The following GRIN2B variants were observed in gnomAD, a reference collection of about 807,000 sequenced individuals.
GRIN2B encodes the protein glutamate ionotropic receptor NMDA type subunit 2B, also known as glutamate receptor ionotropic, NMDA 2B.
GRIN2B carries 5 observed loss-of-function variants against 114.5 expected under a neutral mutation model. That is an observed-to-expected ratio of 0.04 (90% CI 0.02 to 0.09). The LOEUF is 0.09. Ranked by LOEUF, GRIN2B falls within the 10% of genes least tolerant of loss-of-function variation. The probability of loss-of-function intolerance (pLI) is 1.00; values close to 1 mark genes in which losing one functional copy is unlikely to be tolerated. For missense variants in GRIN2B, 1,108 were observed against 1,943.5 expected (o/e 0.57, Z 8.08); for synonymous variants, 787 against 745.1 (o/e 1.06, Z -0.92).
At chr12:13,885,470 C>T (rs1866139677) in intron 2 of GRIN2B, among the ~76,000 whole-genome samples, 1 of 152,122 alleles carries the variant, frequency 6.6e-6, no homozygotes, top group African/African-American at 2.4e-5. Flanking sequence ...CCTTTTCTCC[C>T]CGTTAATGTG....
At position 13,547,399 on chromosome 12, in the gene GRIN2B, A is replaced by C. The variant is rs1314674742; in HGVS notation, c.*15384T>G. On this transcript the variant is annotated 3_prime_UTR_variant, in exon 14 of 14. Transcript: ENST00000609686. ...CACCCAGAAGAGGAAAGGGGTGATC[A>C]TGTGTCTCAAAGAAGAGATAACTTT... The C allele has an allele frequency of 6.6e-6, 1 of 152,202 alleles. No homozygotes were observed. The highest frequency in any genetic ancestry group is 6.5e-5 in the Admixed American group (1 of 15,278). 9.4% of individuals were successfully genotyped at this position (152,202 alleles called of 1,614,324 possible).
At chr12:13,635,240 C>T (rs1949657121) in intron 5 of GRIN2B, among the ~76,000 whole-genome samples, 1 of 152,130 alleles carries the variant, frequency 6.6e-6, no homozygotes. Flanking sequence ...TGGGAGGAAA[C>T]CTCTTCACAC....
At chr12:13,889,390 T>C (rs1182481565) in intron 2 of GRIN2B, among the ~76,000 whole-genome samples, 1 of 152,208 alleles carries the variant, frequency 6.6e-6, no homozygotes. Context: ...AGATAGGACA[T>C]ATAAAATGCT....
At chr12:13,649,777 T>A (rs554314246) in intron 5 of GRIN2B, among the ~76,000 whole-genome samples, 7 of 152,108 alleles carry the variant, frequency 4.6e-5, no homozygotes, top group African/African-American at 7.2e-5. Flanking sequence ...CTAAGTGGTA[T>A]GACCTTGCAC....
intron 2 of GRIN2B, among the ~76,000 whole-genome samples, chr12:13,970,593 TCA>T (rs773797480): frequency 4.0e-5 from 6 of 151,868 alleles, no homozygotes; most frequent in Non-Finnish European, 8.8e-5. Context: ...AATCTTGTCC[TCA>T]CAGGAAAATA....
intron 3 of GRIN2B, among the ~76,000 whole-genome samples, chr12:13,778,187 G>A (rs1864041078): frequency 6.6e-6 from 1 of 151,984 alleles, no homozygotes; most frequent in African/African-American, 2.4e-5. Context: ...TAAATATATG[G>A]TTTTCTTATT....
At chr12:13,881,018 G>A (rs1565573541) in intron 2 of GRIN2B, among the ~76,000 whole-genome samples, 1 of 152,130 alleles carries the variant, frequency 6.6e-6, no homozygotes, top group African/African-American at 2.4e-5. Context: ...GTGTGTGCGC[G>A]TGCGCGCACG....
intron 2 of GRIN2B, among the ~76,000 whole-genome samples, chr12:13,969,670 A>G (rs921235076): frequency 1.3e-5 from 2 of 152,242 alleles, no homozygotes; most frequent in Non-Finnish European, 1.5e-5. Context: ...TTCTGATTAC[A>G]TAATTCCAGG....
intron 3 of GRIN2B, among the ~76,000 whole-genome samples, chr12:13,838,606 C>T (rs1865322928): frequency 6.6e-6 from 1 of 152,176 alleles, no homozygotes; most frequent in South Asian, 2.1e-4. Flanking sequence ...ACCACCCCCC[C>T]ATCTTATCTA....
intron 2 of GRIN2B, among the ~76,000 whole-genome samples, chr12:13,877,608 G>A (rs1866009466): frequency 6.6e-6 from 1 of 152,128 alleles, no homozygotes; most frequent in African/African-American, 2.4e-5. Flanking sequence ...TGGGGTAGGA[G>A]GCACACAGAC....
chr12:13,612,686 C>T (rs1949381341), intron 8 of GRIN2B, among the ~76,000 whole-genome samples: 1 of 152,164 alleles, frequency 6.6e-6, no homozygotes, highest in Non-Finnish European at 1.5e-5. Flanking sequence ...TGAATCCTTT[C>T]CAATTGAGCT....
intron 3 of GRIN2B, among the ~76,000 whole-genome samples, chr12:13,806,752 T>G (rs772432551): frequency 6.6e-6 from 1 of 152,160 alleles, no homozygotes; most frequent in Non-Finnish European, 1.5e-5. Flanking sequence ...TTTTTACTTG[T>G]GTTGCTCATG....
At chr12:13,913,311 C>G (rs953582651) in intron 2 of GRIN2B, among the ~76,000 whole-genome samples, 1 of 152,156 alleles carries the variant, frequency 6.6e-6, no homozygotes, top group Non-Finnish European at 1.5e-5. Context: ...ACCCTACTCG[C>G]ACACAACCAA....
intron 2 of GRIN2B, among the ~76,000 whole-genome samples, chr12:13,928,879 A>T (rs921687421): frequency 6.6e-6 from 1 of 152,250 alleles, no homozygotes; most frequent in Non-Finnish European, 1.5e-5. Flanking sequence ...CTGTCCCAGG[A>T]CAATGACAAT....
In GRIN2B at chr12:13,547,981, A is replaced by ATATATATTTTTTTTTTTTTT; in HGVS notation, c.*14801_*14802insAAAAAAAAAAAAAATATATA. The ATATATATTTTTTTTTTTTTT allele has an allele frequency of 2.9e-5, 2 of 68,590 alleles. No homozygotes were observed. The highest frequency in any genetic ancestry group is 1.9e-4 in the Admixed American group (1 of 5,188). The allele number at this position is 68,590 out of a possible 1,614,324, so 4.2% of individuals were successfully genotyped here. On this transcript the variant is annotated 3_prime_UTR_variant, in exon 14 of 14. Coordinates refer to ENST00000609686, the MANE Select transcript of GRIN2B (RefSeq NM_000834.5). ...TGTGTATATATATATATATATATAT[A>ATATATATTTTTTTTTTTTTT]TTTTTTTTTTTTTTCTGAAAGCTAC...
chr12:13,563,920 C>T lies in GRIN2B; in HGVS notation c.3318G>A (p.Glu1106=), dbSNP rs1948594099. The T allele has an allele frequency of 6.2e-7, 1 of 1,614,184 alleles. No homozygotes were observed. Among genetic ancestry groups the T allele is most frequent in the Non-Finnish European group, 8.5e-7 (1 of 1,180,020 alleles). Residue 1106 remains glutamate (E), a synonymous_variant, in exon 14 of 14, where the codon GAG becomes GAA. Coordinates refer to ENST00000609686, the MANE Select transcript of GRIN2B (RefSeq NM_000834.5). ...AKSRREFDEI[E]LAYRRRPPRS... ...GGGGCGGTCGGCGACGGTAGGCCAG[C>T]TCGATCTCGTCAAACTCCCTGCGGG... is the stretch of plus-strand genomic sequence containing the variant.
intron 4 of GRIN2B, among the ~76,000 whole-genome samples, chr12:13,705,998 A>G (rs1437780204): frequency 1.3e-5 from 2 of 152,162 alleles, no homozygotes; most frequent in African/African-American, 4.8e-5. Context: ...AATTAGACAT[A>G]AGGAAGAACC....
rs1948396458 is a variant in GRIN2B, at chr12:13,550,502, T to C, written c.*12281A>G. On this transcript the variant is annotated 3_prime_UTR_variant, in exon 14 of 14. Transcript: ENST00000609686. ...AGGAGGAATTCTGTCATAAAGAATATGTATGTATCTAAGCAACAGGACTGT... is the reference window on the plus strand; with the variant it reads ...AGGAGGAATTCTGTCATAAAGAATACGTATGTATCTAAGCAACAGGACTGT... 6.6e-6 allele frequency: 1 copy of C among 152,172 alleles called. No individual in the cohort carries two copies. Among genetic ancestry groups the C allele is most frequent in the Admixed American group, 6.5e-5 (1 of 15,280 alleles). The allele number at this position is 152,172 out of a possible 1,614,324, so 9.4% of individuals were successfully genotyped here.
rs957654716 is a variant in GRIN2B, at chr12:13,559,193, T to TTTAAG, written c.*3585_*3589dup. ...TTTAACAATGCCCAGCCTTCCTTTC[T>TTTAAG]TTAAGTTTTCTTAAGCAGACCATGA... On this transcript the variant is annotated 3_prime_UTR_variant, in exon 14 of 14. Transcript: ENST00000609686. 1.3e-4 allele frequency: 18 copies of TTTAAG among 143,512 alleles called. No individual in the cohort carries two copies. Among genetic ancestry groups the TTTAAG allele is most frequent in the Non-Finnish European group, 2.1e-4 (14 of 66,812 alleles). The allele number at this position is 143,512 out of a possible 1,614,324, so 8.9% of individuals were successfully genotyped here. A position where few individuals can be genotyped will look rare whatever the true frequency, so the allele number is the denominator to read the frequency against.
Sources: gnomAD v4.1 joint callset for allele counts (sites outside exome capture counted in the v4.1 genomes callset) on GRCh38, gnomAD v4.1.1 for gene constraint, MANE v1.5 for transcripts, NCBI Gene and HGNC (gene_info 2026-07-23, HGNC 2026-07-21) for gene names.